The following CADM2 variants were observed in gnomAD, a reference collection of about 807,000 sequenced individuals.
The protein encoded by CADM2 is immunoglobulin superfamily member 4D.
A neutral mutation model predicts 49.8 loss-of-function variants in CADM2; 12 were observed. That is an observed-to-expected ratio of 0.24 (90% CI 0.15 to 0.39). The LOEUF is 0.39. CADM2 is among the 10% of genes least tolerant of loss of function. The probability of loss-of-function intolerance (pLI) is 1.00; values close to 1 mark genes in which losing one functional copy is unlikely to be tolerated. For missense variants in CADM2, 378 were observed against 492.3 expected, an observed-to-expected ratio of 0.77 and a Z score of 2.20; for synonymous variants, 214 against 175.4, an observed-to-expected ratio of 1.22 and a Z score of -1.74.
intron 1 of CADM2, among the ~76,000 whole-genome samples, chr3:85,439,753 G>C (rs548494359): frequency 1.5e-4 from 23 of 151,898 alleles, no homozygotes; most frequent in Non-Finnish European, 2.5e-4. Flanking sequence ...TACAAATAAA[G>C]AATATGTGCT....
chr3:85,874,921 A>C (rs562986091), intron 3 of CADM2, among the ~76,000 whole-genome samples: 1 of 152,164 alleles, frequency 6.6e-6, no homozygotes, highest in African/African-American at 2.4e-5. Context: ...TAAAACTACA[A>C]TACTAAACAT....
chr3:85,961,152 A>G (rs1037864009), intron 7 of CADM2, among the ~76,000 whole-genome samples: 2 of 150,776 alleles, frequency 1.3e-5, no homozygotes, highest in Admixed American at 1.3e-4. Context: ...TAGTCTTCCA[A>G]TGTGGGGTGT....
chr3:85,947,451 C>G (rs1377499183), intron 7 of CADM2, among the ~76,000 whole-genome samples: 1 of 150,906 alleles, frequency 6.6e-6, no homozygotes, highest in Non-Finnish European at 1.5e-5. Context: ...GCAAAATTGT[C>G]TCAATTAACT....
At chr3:86,065,857 T>A in intron 9 of CADM2, 127 bp downstream of exon 9, 1 of 886,644 alleles carries the variant, frequency 1.1e-6, no homozygotes, top group Non-Finnish European at 1.6e-6. Context: ...AGAGAAATGC[T>A]AAATTATTTC....
chr3:85,016,986 A>ATT (rs1403266019), intron 1 of CADM2, among the ~76,000 whole-genome samples: 4 of 152,154 alleles, frequency 2.6e-5, no homozygotes, highest in Non-Finnish European at 4.4e-5. Context: ...GAAATAAATG[A>ATT]AATCCACCCA....
intron 2 of CADM2, among the ~76,000 whole-genome samples, chr3:85,792,509 T>C (rs1417276033): frequency 2.0e-5 from 3 of 152,352 alleles, no homozygotes; most frequent in African/African-American, 7.2e-5. Flanking sequence ...AATTTGATCA[T>C]TGACCCTCCA....
At chr3:85,343,933 T>C (rs2030245417) in intron 1 of CADM2, among the ~76,000 whole-genome samples, 1 of 152,240 alleles carries the variant, frequency 6.6e-6, no homozygotes, top group Non-Finnish European at 1.5e-5. Context: ...GTTCATCTCT[T>C]CTTTAGACAC....
chr3:85,085,755 T>C (rs1415111343), intron 1 of CADM2, among the ~76,000 whole-genome samples: 1 of 152,166 alleles, frequency 6.6e-6, no homozygotes, highest in Non-Finnish European at 1.5e-5. Flanking sequence ...AAAGGCAATA[T>C]ATATAACGAG....
At chr3:85,205,177 C>T (rs2041602640) in intron 1 of CADM2, among the ~76,000 whole-genome samples, 1 of 149,598 alleles carries the variant, frequency 6.7e-6, no homozygotes, top group African/African-American at 2.5e-5. Flanking sequence ...GCCACCGTGC[C>T]TGGTTAATTT....
chr3:85,206,347 A>C (rs535789324), intron 1 of CADM2, among the ~76,000 whole-genome samples: 1 of 138,170 alleles, frequency 7.2e-6, no homozygotes. Context: ...TTGCTCTGTC[A>C]CCCAGGCTGG....
intron 1 of CADM2, among the ~76,000 whole-genome samples, chr3:85,128,537 T>A (rs538979029): frequency 4.6e-5 from 7 of 152,292 alleles, no homozygotes; most frequent in South Asian, 4.1e-4. Flanking sequence ...ACAGTATGAG[T>A]TTAATTTGTG....
intron 2 of CADM2, among the ~76,000 whole-genome samples, chr3:85,787,285 G>A (rs143313154): frequency 6.6e-5 from 10 of 152,094 alleles, no homozygotes; most frequent in African/African-American, 2.4e-4. Flanking sequence ...CCATTTAATA[G>A]GAAGTATTTT....
chr3:85,218,490 A>C (rs1007215177), intron 1 of CADM2, among the ~76,000 whole-genome samples: 1 of 152,160 alleles, frequency 6.6e-6, no homozygotes, highest in Non-Finnish European at 1.5e-5. Context: ...CTTATATCAT[A>C]AACGAGGTAG....
At chr3:85,336,254 C>T (rs577363758) in intron 1 of CADM2, among the ~76,000 whole-genome samples, 1 of 151,516 alleles carries the variant, frequency 6.6e-6, no homozygotes, top group East Asian at 1.9e-4. Context: ...CCTTTCAATC[C>T]CATCTCTTGA....
At chr3:85,823,441 AAAAC>A (rs1346272610) in intron 3 of CADM2, among the ~76,000 whole-genome samples, 1 of 152,134 alleles carries the variant, frequency 6.6e-6, no homozygotes, top group East Asian at 1.9e-4. Flanking sequence ...CTACTTCTAG[AAAAC>A]AAACAAACAA....
chr3:85,771,809 C>G (rs1031532712), intron 2 of CADM2, among the ~76,000 whole-genome samples: 5 of 151,958 alleles, frequency 3.3e-5, no homozygotes, highest in African/African-American at 2.4e-5. Context: ...CTCTAGATGG[C>G]CGATCTATAA....
At chr3:85,228,402 C>T (rs1029250045) in intron 1 of CADM2, among the ~76,000 whole-genome samples, 2 of 151,536 alleles carry the variant, frequency 1.3e-5, no homozygotes, top group African/African-American at 4.8e-5. Flanking sequence ...AACCCTTCTT[C>T]TGCTTGATTG....
At chr3:85,366,989 C>T (rs2032833433) in intron 1 of CADM2, among the ~76,000 whole-genome samples, 1 of 151,882 alleles carries the variant, frequency 6.6e-6, no homozygotes, top group Admixed American at 6.6e-5. Context: ...CTTTTTCTTG[C>T]ATAGTGTTCT....
intron 2 of CADM2, among the ~76,000 whole-genome samples, chr3:85,784,077 C>T (rs547888176): frequency 2.0e-5 from 3 of 152,196 alleles, no homozygotes; most frequent in Admixed American, 6.5e-5. Context: ...CTCACACACA[C>T]TGCACGCACA....
Sources: allele counts gnomAD v4.1 joint callset (sites outside exome capture counted in the v4.1 genomes callset), GRCh38; gene constraint gnomAD v4.1.1; transcripts MANE v1.5; gene names NCBI Gene and HGNC (gene_info 2026-07-23, HGNC 2026-07-21).